Variants in ADCYAP1R1 observed in about 807,000 individuals in gnomAD.
The protein encoded by ADCYAP1R1 is pituitary adenylate cyclase-activating polypeptide type I receptor.
ADCYAP1R1 carries 44 observed loss-of-function variants against 67.6 expected under a neutral mutation model. The ratio of observed to expected loss-of-function variants is 0.65; its 90% CI spans 0.51 to 0.84. The LOEUF is 0.84. Among genes scored for constraint, ADCYAP1R1 ranks in the 40% least tolerant of loss-of-function variants. The pLI is 0.00. For synonymous variants in ADCYAP1R1, 222 were observed against 219.6 expected, an observed-to-expected ratio of 1.01 and a Z score of -0.10; for missense variants, 477 against 587.9, an observed-to-expected ratio of 0.81 and a Z score of 1.95.
chr7:31,102,853 C>T lies in ADCYAP1R1; in HGVS notation c.1047-384C>T, dbSNP rs1434189732. Among the ~76,000 whole-genome samples, 1 of 152,182 alleles carries T rather than the reference C, an allele frequency of 6.6e-6. No individual in the cohort carries two copies. The highest frequency in any genetic ancestry group is 2.4e-5 in the African/African-American group (1 of 41,438). On this transcript the variant is annotated intron_variant, in intron 13 of 15. Coordinates refer to ENST00000304166, the MANE Select transcript of ADCYAP1R1 (RefSeq NM_001118.5). This position sits in a 1 kb window ranked among gnomAD's most constrained non-coding sequence, Gnocchi z 4.3. ...TCTTTCAGGCACAAAGAGCTTTCTT[C>T]CAGAACAGGAGAGCGGCTGCTCTGC...
intron 13 of ADCYAP1R1, among the ~76,000 whole-genome samples, chr7:31,099,535 C>T (rs1796347861): frequency 6.6e-6 from 1 of 152,126 alleles, no homozygotes; most frequent in Admixed American, 6.5e-5. Context: ...ACCTCTGTCC[C>T]CTATGTATGT....
intron 2 of ADCYAP1R1, among the ~76,000 whole-genome samples, chr7:31,064,402 C>T (rs1427794553): frequency 6.6e-6 from 1 of 152,216 alleles, no homozygotes; most frequent in Non-Finnish European, 1.5e-5. Flanking sequence ...AGCCATATGA[C>T]TTTGAGCAAG....
chr7:31,069,409 A>C (rs1003902183), intron 3 of ADCYAP1R1, among the ~76,000 whole-genome samples: 3 of 152,208 alleles, frequency 2.0e-5, no homozygotes, highest in Non-Finnish European at 2.9e-5. Flanking sequence ...TCCTTGAAAC[A>C]CACTTGAAAA....
chr7:31,063,361 GT>G, intron 2 of ADCYAP1R1, 46 bp downstream of exon 2: 1 of 1,609,492 alleles, frequency 6.2e-7, no homozygotes, highest in Non-Finnish European at 8.5e-7. Context: ...GCTCACCTGA[GT>G]CCCCGCTCCA....
At position 31,084,852 on chromosome 7, in the gene ADCYAP1R1, A is replaced by G. The variant is rs1191712249; in HGVS notation, c.536+18A>G. 1.2e-6 allele frequency: 2 copies of G among 1,610,060 alleles called. No individual in the cohort carries two copies. ...CGCTTCCGGTGAGACCCTCAGCAAC[A>G]TTCAAGCAAGCACCAGAGCTGGCCA... On this transcript the variant is annotated intron_variant, in intron 8 of 15. Transcript: ENST00000304166.
At chr7:31,097,816 G>T (rs1011053314) in intron 13 of ADCYAP1R1, among the ~76,000 whole-genome samples, 10 of 95,520 alleles carry the variant, frequency 1.0e-4, no homozygotes, top group African/African-American at 3.3e-4. Context: ...GATACAGTTG[G>T]GGGGGGGTCT....
intron 15 of ADCYAP1R1, among the ~76,000 whole-genome samples, chr7:31,105,313 G>C (rs1796596741): frequency 6.6e-6 from 1 of 152,242 alleles, no homozygotes; most frequent in African/African-American, 2.4e-5. Flanking sequence ...GCTAGGCAGA[G>C]CTGCTGAGCC....
intron 1 of ADCYAP1R1, among the ~76,000 whole-genome samples, chr7:31,053,805 G>A (rs575020731): frequency 1.3e-5 from 2 of 152,322 alleles, no homozygotes; most frequent in South Asian, 4.1e-4. Context: ...GGGATGGGAA[G>A]GGGCTGGACG....
At chr7:31,081,217 A>G (rs533199397) in intron 5 of ADCYAP1R1, among the ~76,000 whole-genome samples, 44 of 152,262 alleles carry the variant, frequency 2.9e-4, no homozygotes, top group African/African-American at 1.0e-3. Flanking sequence ...GGAAATGGGA[A>G]TAAAGGGTAG....
At chr7:31,095,709 C>A in intron 13 of ADCYAP1R1, 1 of 718,084 alleles carries the variant, frequency 1.4e-6, no homozygotes, top group Non-Finnish European at 2.6e-6. Flanking sequence ...CCCGAGAGGA[C>A]CCCCTGCCTG....
At chr7:31,090,228 T>C (rs1472069200) in intron 12 of ADCYAP1R1, among the ~76,000 whole-genome samples, 1 of 152,226 alleles carries the variant, frequency 6.6e-6, no homozygotes, top group African/African-American at 2.4e-5. Context: ...GTTGATTTTG[T>C]TGATATTTAT....
intron 3 of ADCYAP1R1, among the ~76,000 whole-genome samples, chr7:31,065,926 C>T (rs544314700): frequency 4.6e-5 from 7 of 152,314 alleles, no homozygotes; most frequent in South Asian, 2.1e-4. Context: ...TCCCACTGGA[C>T]GGAGCTGCCC....
intron 1 of ADCYAP1R1, among the ~76,000 whole-genome samples, chr7:31,060,921 A>G (rs1030913880): frequency 1.3e-5 from 2 of 152,236 alleles, no homozygotes; most frequent in African/African-American, 4.8e-5. Context: ...AACTTTAAAC[A>G]ACACTGCTGC....
chr7:31,111,461 GT>G lies in ADCYAP1R1; in HGVS notation c.*4781del, dbSNP rs1796859488. 1 of 152,176 alleles carries G rather than the reference GT, an allele frequency of 6.6e-6. No homozygotes were observed. The highest frequency in any genetic ancestry group is 2.1e-4 in the South Asian group (1 of 4,832). 9.4% of individuals were successfully genotyped at this position (152,176 alleles called of 1,614,324 possible). A position where few individuals can be genotyped will look rare whatever the true frequency, so the allele number is the denominator to read the frequency against. On this transcript the variant is annotated 3_prime_UTR_variant, in exon 16 of 16. Coordinates refer to ENST00000304166, the MANE Select transcript of ADCYAP1R1 (RefSeq NM_001118.5). ...GACTGCTGTAGATGACTCAATAAAT[GT>G]TTTGCCATTTTTCCTGGTGGCTGTA...
In ADCYAP1R1 at chr7:31,085,413, C is replaced by T; in HGVS notation, c.640C>T (p.Gln214Ter). ...CAAAGACTGGATTCTGTATGCGGAG[C>T]AGGACAGCAACCACTGCTTCATCTC... is the stretch of plus-strand genomic sequence containing the variant. ...FIKDWILYAEQDSNHCFISTV... is the reference protein window; with the variant it reads ...FIKDWILYAE Residue 214 changes from glutamine to a stop codon, truncating the protein, a stop_gained, in exon 9 of 16, where the codon CAG becomes TAG. Coordinates refer to ENST00000304166, the MANE Select transcript of ADCYAP1R1 (RefSeq NM_001118.5). LOFTEE classifies it high-confidence loss of function. 1 of 1,613,670 alleles carries T rather than the reference C, an allele frequency of 6.2e-7. No homozygotes were observed. The highest frequency in any genetic ancestry group is 8.5e-7 in the Non-Finnish European group (1 of 1,179,988).
At chr7:31,082,630 A>C (rs951373131) in intron 6 of ADCYAP1R1, among the ~76,000 whole-genome samples, 4 of 152,198 alleles carry the variant, frequency 2.6e-5, no homozygotes, top group Non-Finnish European at 5.9e-5. Context: ...GGACATTCAG[A>C]CTTTCTGAAA....
rs146271281 is a variant in ADCYAP1R1 at position 31,101,580 on chromosome 7, C to T, written c.1047-1657C>T. On this transcript the variant is annotated intron_variant, in intron 13 of 15. Coordinates refer to ENST00000304166, the MANE Select transcript of ADCYAP1R1 (RefSeq NM_001118.5). The stretch of plus-strand genomic sequence containing the variant: ...TTCTGGCCATTTTCCTCTGCATTCC[C>T]GACTTTCATTCCTTCTGCAAGCACC... Among the ~76,000 whole-genome samples, 11 of 152,308 alleles carry T rather than the reference C, an allele frequency of 7.2e-5. No individual in the cohort carries two copies. The East Asian group carries it at 1.5e-3, about 21-fold the overall frequency.
chr7:31,063,061 G>A (rs1412597246), intron 1 of ADCYAP1R1, 133 bp from the exon 2 acceptor site: 4 of 607,410 alleles, frequency 6.6e-6, no homozygotes, highest in Non-Finnish European at 8.8e-6. Context: ...GACGGATGCA[G>A]GCAGGGAGGT....
At chr7:31,104,995 G>T in intron 15 of ADCYAP1R1, 86 bp downstream of exon 15, 1 of 1,371,698 alleles carries the variant, frequency 7.3e-7, no homozygotes, top group South Asian at 1.2e-5. Flanking sequence ...GGCCACATGG[G>T]ACTGACTCTT....
Sources: allele counts gnomAD v4.1 joint callset (sites outside exome capture counted in the v4.1 genomes callset), GRCh38; gene constraint gnomAD v4.1.1; non-coding constraint Gnocchi (gnomAD v3.1); transcripts MANE v1.5; gene names NCBI Gene and HGNC (gene_info 2026-07-23, HGNC 2026-07-21).